The following SH3PXD2B variants were observed in gnomAD, a reference collection of about 807,000 sequenced individuals.
SH3PXD2B encodes SH3 and PX domain-containing protein 2B.
SH3PXD2B carries 37 observed loss-of-function variants against 73.1 expected under a neutral mutation model. The ratio of observed to expected loss-of-function variants is 0.51; its 90% CI spans 0.39 to 0.67. The LOEUF (loss-of-function observed/expected upper bound fraction) is 0.67. Ranked by LOEUF, SH3PXD2B falls within the 30% of genes least tolerant of loss-of-function variation. The probability of loss-of-function intolerance (pLI) is 0.00; values close to 1 mark genes in which losing one functional copy is unlikely to be tolerated. For synonymous variants in SH3PXD2B, 457 were observed against 480.5 expected (o/e 0.95, Z 0.64); for missense variants, 1,053 against 1,197.8 (o/e 0.88, Z 1.78).
At chr5:172,390,622 C>T (rs925166184) in intron 4 of SH3PXD2B, among the ~76,000 whole-genome samples, 1 of 152,192 alleles carries the variant, frequency 6.6e-6, no homozygotes, top group Non-Finnish European at 1.5e-5. Flanking sequence ...TATCCATGCA[C>T]CAGCTGATGA....
chr5:172,349,775 GAA>G (rs1045248630), intron 10 of SH3PXD2B, among the ~76,000 whole-genome samples: 15 of 152,126 alleles, frequency 9.9e-5, no homozygotes, highest in African/African-American at 2.2e-4. Context: ...GCAGGTGCTT[GAA>G]AAAGAGTAGC....
downstream of SH3PXD2B, among the ~76,000 whole-genome samples, chr5:172,330,413 T>C (rs1756532693): frequency 1.3e-5 from 2 of 152,320 alleles, no homozygotes; most frequent in South Asian, 2.1e-4. Context: ...AAATTTAAAA[T>C]TGGACATTTT....
At chr5:172,347,223 T>C in intron 11 of SH3PXD2B, 60 bp downstream of exon 11, 1 of 1,524,258 alleles carries the variant, frequency 6.6e-7, no homozygotes, top group Non-Finnish European at 9.1e-7. Flanking sequence ...GAGGGGCTAG[T>C]GGACACCCCT....
chr5:172,330,448 G>A (rs1333190245), downstream of SH3PXD2B, among the ~76,000 whole-genome samples: 1 of 152,152 alleles, frequency 6.6e-6, no homozygotes, highest in East Asian at 1.9e-4. Context: ...ATGAAACGTT[G>A]CCCCTGATAG....
chr5:172,405,660 C>A (rs1445325027), intron 3 of SH3PXD2B, among the ~76,000 whole-genome samples: 1 of 152,192 alleles, frequency 6.6e-6, no homozygotes, highest in African/African-American at 2.4e-5. Context: ...CTTGGCTCAG[C>A]TGACATCTTG....
Position 172,350,474 on chromosome 5 carries a change from C to T in SH3PXD2B, c.901G>A (p.Asp301Asn), listed in dbSNP as rs745483057. 1.2e-6 allele frequency: 2 copies of T among 1,614,166 alleles called. No individual in the cohort carries two copies. The highest frequency in any genetic ancestry group is 4.5e-5 in the East Asian group (2 of 44,880). ...SPSHPGALDL[D>N]GVSRQQNAVG... ...GCGTTCTGCTGCCGGGAAACACCAT[C>T]CAAGTCAAGGGCACCCGGGTGGGAG... Residue 301 changes from aspartate to asparagine, a missense_variant, in exon 10 of 13, where the codon GAT (aspartate) becomes AAT (asparagine). Physicochemically the swap from Asp to Asn is conservative, Grantham distance 23 (BLOSUM62 1). Around this residue, in one of 2 missense-constraint regions of SH3PXD2B, gnomAD observed 466 missense variants for 607.1 expected, o/e 0.77. Coordinates refer to ENST00000311601, the MANE Select transcript of SH3PXD2B (RefSeq NM_001017995.3).
At position 172,336,600 on chromosome 5, in the gene SH3PXD2B, A is replaced by C; in HGVS notation, c.*1769T>G. 1 of 985,708 alleles carries C rather than the reference A, an allele frequency of 1.0e-6. No homozygotes were observed. The highest frequency in any genetic ancestry group is 1.2e-6 in the Non-Finnish European group (1 of 829,984). The allele number at this position is 985,708 out of a possible 1,614,324, so 61.1% of individuals were successfully genotyped here. ...AGCAAAACTTTGGCACTGCAGGTAG[A>C]CACTGAGCATCCCCCCAAAAAACTG... On this transcript the variant is annotated 3_prime_UTR_variant, in exon 13 of 13. Transcript: ENST00000311601.
In SH3PXD2B at chr5:172,336,022, C is replaced by CG. The variant is rs1282367431; in HGVS notation, c.*2346dup. On this transcript the variant is annotated 3_prime_UTR_variant, in exon 13 of 13. Coordinates refer to ENST00000311601, the MANE Select transcript of SH3PXD2B (RefSeq NM_001017995.3). ...AGTCTGCTCCTACCCAGCTGACCCC[C>CG]GGGAGGAAGGAATGAAGCAAGAGAG... The CG allele has an allele frequency of 2.0e-6, 2 of 1,002,784 alleles. No homozygotes were observed. Among genetic ancestry groups the CG allele is most frequent in the Non-Finnish European group, 2.4e-6 (2 of 841,912 alleles). The allele number at this position is 1,002,784 out of a possible 1,614,324, so 62.1% of individuals were successfully genotyped here.
At chr5:172,398,447 G>C (rs1431960173) in intron 3 of SH3PXD2B, among the ~76,000 whole-genome samples, 1 of 152,124 alleles carries the variant, frequency 6.6e-6, no homozygotes, top group Non-Finnish European at 1.5e-5. Context: ...TCAACAGTTT[G>C]AGCCCAATTT....
intron 8 of SH3PXD2B, among the ~76,000 whole-genome samples, chr5:172,357,401 GAGAC>G (rs1757305736): frequency 6.6e-6 from 1 of 151,724 alleles, no homozygotes. Context: ...TCCAGCCTGG[GAGAC>G]AGAGCAAGAC....
At chr5:172,359,361 C>T (rs141180358) in intron 7 of SH3PXD2B, among the ~76,000 whole-genome samples, 2,699 of 130,884 alleles carry the variant, frequency 0.021, 89 homozygotes, top group African/African-American at 0.076. Context: ...CACTCCAGCC[C>T]GGGCGACAGA....
chr5:172,381,325 C>T (rs1017317058), intron 5 of SH3PXD2B, among the ~76,000 whole-genome samples: 2 of 152,216 alleles, frequency 1.3e-5, no homozygotes, highest in Non-Finnish European at 2.9e-5. Context: ...AGGACACTCC[C>T]AGCACCTTGG....
intron 12 of SH3PXD2B, among the ~76,000 whole-genome samples, chr5:172,342,625 G>C (rs1756883765): frequency 6.6e-6 from 1 of 152,216 alleles, no homozygotes; most frequent in Non-Finnish European, 1.5e-5. Context: ...GCTGGGTGTG[G>C]TGGCATGCGC....
At chr5:172,417,102 C>A (rs1240263550) in intron 2 of SH3PXD2B, among the ~76,000 whole-genome samples, 1 of 152,138 alleles carries the variant, frequency 6.6e-6, no homozygotes, top group African/African-American at 2.4e-5. Context: ...GAATGTCCTG[C>A]CCCCGTTGGA....
intron 4 of SH3PXD2B, among the ~76,000 whole-genome samples, chr5:172,384,981 C>T (rs1412161491): frequency 6.6e-6 from 1 of 152,208 alleles, no homozygotes; most frequent in Non-Finnish European, 1.5e-5. Flanking sequence ...AGCTCCTGCT[C>T]TGCAGCAAAT....
At chr5:172,411,976 C>T (rs946174928) in intron 2 of SH3PXD2B, among the ~76,000 whole-genome samples, 5 of 152,046 alleles carry the variant, frequency 3.3e-5, no homozygotes, top group Non-Finnish European at 5.9e-5. Flanking sequence ...CCCTCTCCCT[C>T]CCCCTGGGCC....
rs1758971578 is a variant in SH3PXD2B at position 172,421,937 on chromosome 5, A to T, written c.156+479T>A. Among the ~76,000 whole-genome samples the T allele has an allele frequency of 6.6e-6, 1 of 152,240 alleles. No homozygotes were observed. The highest frequency in any genetic ancestry group is 1.5e-5 in the Non-Finnish European group (1 of 68,046). On this transcript the variant is annotated intron_variant, in intron 2 of 12. Transcript: ENST00000311601. The surrounding 1 kb of genome is among the most constrained non-coding windows in gnomAD (Gnocchi z 4.0). ...GCACCCTTTCTCTTATGGAGGAAATATGAAATATCAAAGCATAAAGCAACA... is the reference window on the plus strand; with the variant it reads ...GCACCCTTTCTCTTATGGAGGAAATTTGAAATATCAAAGCATAAAGCAACA...
chr5:172,411,285 C>A (rs1758686135), intron 2 of SH3PXD2B, among the ~76,000 whole-genome samples: 1 of 152,042 alleles, frequency 6.6e-6, no homozygotes, highest in African/African-American at 2.4e-5. Context: ...CCTTTGGAGT[C>A]CCTGCCTGAA....
downstream of SH3PXD2B, among the ~76,000 whole-genome samples, chr5:172,329,555 T>TTTTTTTTG (rs1554133382): frequency 6.8e-6 from 1 of 146,558 alleles, no homozygotes; most frequent in African/African-American, 2.5e-5. Flanking sequence ...TTTTTTTTTT[T>TTTTTTTTG]GAGATGGAGT....
Sources: gnomAD v4.1 joint callset for allele counts (sites outside exome capture counted in the v4.1 genomes callset) on GRCh38, gnomAD v4.1.1 for gene constraint, gnomAD v4.1.1 regional missense constraint, Gnocchi (gnomAD v3.1) non-coding constraint, MANE v1.5 for transcripts, NCBI Gene and HGNC (gene_info 2026-07-23, HGNC 2026-07-21) for gene names.